Variants in GDPD1 observed in about 807,000 individuals in gnomAD.
GDPD1 encodes glycerophosphodiester phosphodiesterase domain containing 1.
Under a neutral mutation model 45.1 loss-of-function variants are expected in GDPD1, and 28 were observed. The ratio of observed to expected loss-of-function variants is 0.62; its 90% CI spans 0.46 to 0.85. The LOEUF (loss-of-function observed/expected upper bound fraction) is 0.85. Among genes scored for constraint, GDPD1 ranks in the 40% least tolerant of loss-of-function variants. The probability of loss-of-function intolerance (pLI) is 0.00; values close to 1 mark genes in which losing one functional copy is unlikely to be tolerated. For synonymous variants in GDPD1, 139 were observed against 131.4 expected, an observed-to-expected ratio of 1.06 and a Z score of -0.40; for missense variants, 256 against 364.8, an observed-to-expected ratio of 0.70 and a Z score of 2.43.
At chr17:59,247,806 A>G (rs1431769524) in intron 3 of GDPD1, among the ~76,000 whole-genome samples, 3 of 151,652 alleles carry the variant, frequency 2.0e-5, no homozygotes, top group Non-Finnish European at 4.4e-5. Context: ...AATTTTTCGT[A>G]TTTAGTAGAG....
At chr17:59,250,095 C>T (rs1451711941) in intron 4 of GDPD1, among the ~76,000 whole-genome samples, 1 of 151,972 alleles carries the variant, frequency 6.6e-6, no homozygotes, top group African/African-American at 2.4e-5. Flanking sequence ...TTAACATTAG[C>T]TATTTCTAAG....
chr17:59,273,064 T>C, intron 9 of GDPD1: 1 of 659,352 alleles, frequency 1.5e-6, no homozygotes, highest in Non-Finnish European at 2.3e-6. Context: ...GCCAGAGGGG[T>C]GGGACAGTGT....
At chr17:59,229,787 C>T (rs1216234706) in intron 1 of GDPD1, among the ~76,000 whole-genome samples, 3 of 152,190 alleles carry the variant, frequency 2.0e-5, no homozygotes, top group African/African-American at 7.2e-5. Flanking sequence ...GGAAAAAAGA[C>T]TCTTCCAGCT....
intron 1 of GDPD1, 35 bp downstream of exon 1, chr17:59,220,786 G>A: frequency 6.2e-7 from 1 of 1,604,430 alleles, no homozygotes; most frequent in Non-Finnish European, 8.5e-7. Flanking sequence ...TGACGGAGGT[G>A]GGGGAGGCTG....
chr17:59,269,041 G>GTAA (rs1463936719), intron 7 of GDPD1, among the ~76,000 whole-genome samples: 2 of 152,218 alleles, frequency 1.3e-5, no homozygotes, highest in African/African-American at 4.8e-5. Context: ...GCTCATGCCT[G>GTAA]TAATCCCAGC....
At chr17:59,223,072 CTGTGTGCTAGA>C (rs1287810585) in intron 1 of GDPD1, among the ~76,000 whole-genome samples, 1 of 152,168 alleles carries the variant, frequency 6.6e-6, no homozygotes, top group African/African-American at 2.4e-5. Flanking sequence ...GCGTTAAAGA[CTGTGTGCTAGA>C]TTATCACAAC....
At chr17:59,236,656 C>T (rs1304320643) in intron 2 of GDPD1, among the ~76,000 whole-genome samples, 2 of 152,022 alleles carry the variant, frequency 1.3e-5, no homozygotes, top group East Asian at 1.9e-4. Flanking sequence ...CCACCTCTCT[C>T]GGCTAGTTTT....
intron 1 of GDPD1, among the ~76,000 whole-genome samples, chr17:59,228,003 C>G: frequency 6.6e-6 from 1 of 152,004 alleles, no homozygotes; most frequent in East Asian, 1.9e-4. Flanking sequence ...AACCCCGTCT[C>G]TACTAAAAAT....
At position 59,275,219 on chromosome 17, in the gene GDPD1, AAAAAT is replaced by A; in HGVS notation, c.*1451_*1455del. The stretch of plus-strand genomic sequence containing the variant: ...TCTAGGTGTACCTTAGTTAAAGAGG[AAAAAT>A]AAAACGGAAAAAAGCTTGGAAATCA... On this transcript the variant is annotated 3_prime_UTR_variant, in exon 10 of 10. Coordinates refer to ENST00000284116, the MANE Select transcript of GDPD1 (RefSeq NM_182569.4). 6.5e-7 allele frequency: 1 copy of A among 1,532,944 alleles called. No homozygotes were observed. The highest frequency in any genetic ancestry group is 8.7e-7 in the Non-Finnish European group (1 of 1,143,002). 95.0% of individuals were successfully genotyped at this position (1,532,944 alleles called of 1,614,324 possible).
intron 6 of GDPD1, among the ~76,000 whole-genome samples, chr17:59,261,218 G>A (rs944686011): frequency 3.9e-5 from 6 of 151,988 alleles, no homozygotes; most frequent in Non-Finnish European, 7.4e-5. Context: ...TGCCTGCCTC[G>A]GCCTCCCAAA....
At chr17:59,226,762 G>A (rs1386954657) in intron 1 of GDPD1, among the ~76,000 whole-genome samples, 1 of 151,862 alleles carries the variant, frequency 6.6e-6, no homozygotes, top group African/African-American at 2.4e-5. Context: ...TGCAACTTCC[G>A]CCCCCTGGGT....
At chr17:59,241,962 T>G (rs1482482945) in intron 2 of GDPD1, among the ~76,000 whole-genome samples, 1 of 152,296 alleles carries the variant, frequency 6.6e-6, no homozygotes, top group African/African-American at 2.4e-5. Flanking sequence ...TCAGTGTTTA[T>G]TAGATTAAAT....
intron 1 of GDPD1, among the ~76,000 whole-genome samples, chr17:59,223,269 C>CT (rs1403308604): frequency 2.0e-5 from 3 of 152,100 alleles, no homozygotes; most frequent in Non-Finnish European, 4.4e-5. Context: ...TGTAATGGAA[C>CT]TTTTTGTGAT....
intron 1 of GDPD1, among the ~76,000 whole-genome samples, chr17:59,222,540 G>GTTTT (rs2047014604): frequency 1.7e-5 from 1 of 57,246 alleles, no homozygotes; most frequent in African/African-American, 5.6e-5. Context: ...TTGAGACAGA[G>GTTTT]TTTCCCTCTT....
chr17:59,222,635 C>T (rs1006230033), intron 1 of GDPD1, among the ~76,000 whole-genome samples: 6 of 150,968 alleles, frequency 4.0e-5, no homozygotes, highest in Non-Finnish European at 8.8e-5. Flanking sequence ...CTGCCTCAGC[C>T]TCCCGAGTAG....
At chr17:59,226,616 G>A (rs150866609) in intron 1 of GDPD1, among the ~76,000 whole-genome samples, 1 of 152,168 alleles carries the variant, frequency 6.6e-6, no homozygotes, top group East Asian at 1.9e-4. Flanking sequence ...ATGTTCAGAT[G>A]GTATTGTATA....
chr17:59,265,289 C>G (rs939659249), intron 6 of GDPD1, among the ~76,000 whole-genome samples: 3 of 151,740 alleles, frequency 2.0e-5, no homozygotes, highest in Non-Finnish European at 4.4e-5. Flanking sequence ...CATTCCAGCA[C>G]TTTGGGAGGC....
intron 3 of GDPD1, among the ~76,000 whole-genome samples, chr17:59,245,839 G>A (rs1169002956): frequency 6.6e-6 from 1 of 151,990 alleles, no homozygotes; most frequent in African/African-American, 2.4e-5. Flanking sequence ...TAGGAAAATT[G>A]GCTGGGCACA....
At chr17:59,242,629 G>A (rs985383043) in intron 2 of GDPD1, among the ~76,000 whole-genome samples, 1 of 152,140 alleles carries the variant, frequency 6.6e-6, no homozygotes, top group Non-Finnish European at 1.5e-5. Context: ...GATGCAGATA[G>A]TTTTTGCTCC....
Sources: gnomAD v4.1 joint callset for allele counts (sites outside exome capture counted in the v4.1 genomes callset) on GRCh38, gnomAD v4.1.1 for gene constraint, MANE v1.5 for transcripts, NCBI Gene and HGNC (gene_info 2026-07-23, HGNC 2026-07-21) for gene names.